The following CDRT4 variants were observed in gnomAD, a reference collection of about 807,000 sequenced individuals.
The protein encoded by CDRT4 is CMT1A duplicated region transcript 4.
For missense variants in CDRT4, 167 were observed against 193.1 expected (o/e 0.87, Z 0.80); for synonymous variants, 64 against 69.6 (o/e 0.92, Z 0.40).
In CDRT4 at chr17:15,450,298, G is replaced by A. The variant is rs112156863; in HGVS notation, c.-48+2706C>T. 6.6e-5 allele frequency among the ~76,000 whole-genome samples: 10 copies of A among 151,856 alleles called. No homozygotes were observed. Among genetic ancestry groups the A allele is most frequent in the African/African-American group, 1.2e-4 (5 of 41,386 alleles). ...ACTCCCTCATCTCCCACCATCACTC[G>A]TACCAACTCTCCACCATAAGCTCCC... On this transcript the variant is annotated intron_variant, in intron 2 of 3. Transcript: ENST00000619038. This position sits in a 1 kb window ranked among gnomAD's most constrained non-coding sequence, Gnocchi z 4.2.
chr17:15,460,834 T>C (rs781782237), intron 1 of CDRT4, among the ~76,000 whole-genome samples: 11 of 152,050 alleles, frequency 7.2e-5, no homozygotes, highest in Non-Finnish European at 1.3e-4. Flanking sequence ...GCTGCCTCTG[T>C]CCACCTCTTA....
In CDRT4 at chr17:15,464,240, T is replaced by C. The variant is rs1006683919; in HGVS notation, c.-130+3220A>G. Among the ~76,000 whole-genome samples, 2 of 152,098 alleles carry C rather than the reference T, an allele frequency of 1.3e-5. No homozygotes were observed. Among genetic ancestry groups the C allele is most frequent in the Admixed American group, 1.3e-4 (2 of 15,276 alleles). ...GGATGGAGATGCCAATGGGTAGATG[T>C]GGAGACCCCTACGCCAGGCAAGCCT... is the stretch of plus-strand genomic sequence containing the variant. On this transcript the variant is annotated intron_variant, in intron 1 of 3. Coordinates refer to ENST00000619038, the MANE Select transcript of CDRT4 (RefSeq NM_001204477.2). This position sits in a 1 kb window ranked among gnomAD's most constrained non-coding sequence, Gnocchi z 4.5.
intron 1 of CDRT4, among the ~76,000 whole-genome samples, chr17:15,460,904 T>C (rs1010446678): frequency 2.3e-5 from 3 of 128,396 alleles, no homozygotes; most frequent in African/African-American, 8.8e-5. Flanking sequence ...CCAACCACCC[T>C]CCAGCCACAG....
intron 2 of CDRT4, among the ~76,000 whole-genome samples, chr17:15,442,014 T>C (rs1340110173): frequency 6.6e-6 from 1 of 152,046 alleles, no homozygotes; most frequent in Non-Finnish European, 1.5e-5. Flanking sequence ...CCATTCCAAG[T>C]CCCCCATAAC....
chr17:15,457,753 G>C (rs904740887), intron 1 of CDRT4, among the ~76,000 whole-genome samples: 1 of 152,200 alleles, frequency 6.6e-6, no homozygotes, highest in African/African-American at 2.4e-5. Flanking sequence ...TGCTTTTGGG[G>C]CCACAGACAG....
intron 2 of CDRT4, among the ~76,000 whole-genome samples, chr17:15,445,109 C>A (rs1014019952): frequency 1.3e-5 from 2 of 152,194 alleles, no homozygotes; most frequent in African/African-American, 4.8e-5. Flanking sequence ...CCCACTCAGA[C>A]TTTTTGCCCT....
In CDRT4 at chr17:15,450,021, T is replaced by C. The variant is rs1301709759; in HGVS notation, c.-48+2983A>G. Among the ~76,000 whole-genome samples the C allele has an allele frequency of 4.6e-5, 7 of 152,236 alleles. No individual in the cohort carries two copies. Among genetic ancestry groups the C allele is most frequent in the Admixed American group, 6.5e-5 (1 of 15,288 alleles). On this transcript the variant is annotated intron_variant, in intron 2 of 3. Coordinates refer to ENST00000619038, the MANE Select transcript of CDRT4 (RefSeq NM_001204477.2). This position sits in a 1 kb window ranked among gnomAD's most constrained non-coding sequence, Gnocchi z 4.2. ...TATGAATAGTGCTGGGATAAACATA[T>C]GAGTGCAGGTGTCTTTTTGATAAAA...
chr17:15,441,659 T>C (rs998287744), intron 2 of CDRT4, among the ~76,000 whole-genome samples: 2 of 152,200 alleles, frequency 1.3e-5, no homozygotes, highest in African/African-American at 2.4e-5. Context: ...ACTATTTTTA[T>C]AGAGTAAATT....
In CDRT4 at chr17:15,437,736, C is replaced by A. The variant is rs772852837; in HGVS notation, c.*37G>T. 6.9e-6 allele frequency: 11 copies of A among 1,597,082 alleles called. No individual in the cohort carries two copies. In the Admixed American group the frequency reaches 8.4e-5, roughly 12 times the overall value. On this transcript the variant is annotated 3_prime_UTR_variant, in exon 4 of 4. Transcript: ENST00000619038. ...CGTTCTTGGGGAATGGCTGCAGGGA[C>A]CCCTGGCTAAAACATTTGCATGTTT...
rs1440043779 is a variant in CDRT4, at chr17:15,464,780, A to G, written c.-130+2680T>C. ...TTTTCTCTGCCAAAATCCCCCAGCGAATGGCCCATACCAGCGGTTGCTCTT... is the reference window on the plus strand; with the variant it reads ...TTTTCTCTGCCAAAATCCCCCAGCGGATGGCCCATACCAGCGGTTGCTCTT... On this transcript the variant is annotated intron_variant, in intron 1 of 3. Transcript: ENST00000619038. The surrounding 1 kb of genome is among the most constrained non-coding windows in gnomAD (Gnocchi z 4.5). 1.3e-5 allele frequency among the ~76,000 whole-genome samples: 2 copies of G among 152,164 alleles called. No individual in the cohort carries two copies. The highest frequency in any genetic ancestry group is 2.4e-5 in the African/African-American group (1 of 41,442).
chr17:15,436,429 AG>A lies in CDRT4; in HGVS notation c.*1343del, dbSNP rs2150782246. Reference sequence around the variant, plus strand: ...TCAGGTAAGGTCAGCCTTACTCAGTAGATAAACCCCAAACATGAAACCAGCT... The same window carrying A: ...TCAGGTAAGGTCAGCCTTACTCAGTAATAAACCCCAAACATGAAACCAGCT... On this transcript the variant is annotated 3_prime_UTR_variant, in exon 4 of 4. Transcript: ENST00000619038. 6.6e-6 allele frequency: 1 copy of A among 152,380 alleles called. No individual in the cohort carries two copies. The highest frequency in any genetic ancestry group is 1.9e-4 in the East Asian group (1 of 5,192). The allele number at this position is 152,380 out of a possible 1,614,324, so 9.4% of individuals were successfully genotyped here.
chr17:15,460,642 C>G (rs1240338096), intron 1 of CDRT4, among the ~76,000 whole-genome samples: 3 of 152,122 alleles, frequency 2.0e-5, no homozygotes, highest in Non-Finnish European at 2.9e-5. Context: ...CTGGTTGCCC[C>G]CACAGCCTCC....
chr17:15,441,542 C>T (rs1978759242), intron 2 of CDRT4, among the ~76,000 whole-genome samples: 1 of 152,160 alleles, frequency 6.6e-6, no homozygotes, highest in Admixed American at 6.5e-5. Flanking sequence ...TGGAACACTC[C>T]TCCGAGATAA....
rs1979880898 is a variant in CDRT4, at chr17:15,464,050, A to G, written c.-130+3410T>C. On this transcript the variant is annotated intron_variant, in intron 1 of 3. Coordinates refer to ENST00000619038, the MANE Select transcript of CDRT4 (RefSeq NM_001204477.2). The surrounding 1 kb of genome is among the most constrained non-coding windows in gnomAD (Gnocchi z 4.5). Reference sequence around the variant, plus strand: ...GGGGACCAGGAACCCAATGCCCTCTAGGAGTATGGCATGGAGGGGCAGACC... The same window carrying G: ...GGGGACCAGGAACCCAATGCCCTCTGGGAGTATGGCATGGAGGGGCAGACC... 2.0e-5 allele frequency among the ~76,000 whole-genome samples: 3 copies of G among 152,214 alleles called. No homozygotes were observed. Among genetic ancestry groups the G allele is most frequent in the African/African-American group, 7.2e-5 (3 of 41,462 alleles).
intron 1 of CDRT4, among the ~76,000 whole-genome samples, chr17:15,465,429 C>T (rs1236214834): frequency 6.7e-6 from 1 of 149,676 alleles, no homozygotes; most frequent in African/African-American, 2.5e-5. Flanking sequence ...CACAGACATA[C>T]ACCAGTACCA....
intron 1 of CDRT4, among the ~76,000 whole-genome samples, chr17:15,465,249 AC>A (rs1442620232): frequency 1.5e-5 from 2 of 131,340 alleles, no homozygotes; most frequent in Non-Finnish European, 3.1e-5. Context: ...ACAGACACAC[AC>A]CAACACACAC....
chr17:15,451,368 G>A (rs2150792234), intron 2 of CDRT4, among the ~76,000 whole-genome samples: 1 of 152,218 alleles, frequency 6.6e-6, no homozygotes, highest in South Asian at 2.1e-4. Context: ...CTTCATAGCA[G>A]TATGAAAATG....
chr17:15,453,835 T>G (rs1444472295), intron 1 of CDRT4, among the ~76,000 whole-genome samples: 4 of 152,164 alleles, frequency 2.6e-5, no homozygotes, highest in Non-Finnish European at 5.9e-5. Flanking sequence ...TTCAGAAGCC[T>G]CCGTGTTCTT....
intron 1 of CDRT4, among the ~76,000 whole-genome samples, chr17:15,454,178 C>T (rs1289851487): frequency 2.6e-5 from 4 of 152,136 alleles, no homozygotes; most frequent in African/African-American, 9.7e-5. Flanking sequence ...TGCCACAGTG[C>T]TGTCCCTACA....
Sources: gnomAD v4.1 joint callset for allele counts (sites outside exome capture counted in the v4.1 genomes callset) on GRCh38, gnomAD v4.1.1 for gene constraint, Gnocchi (gnomAD v3.1) non-coding constraint, MANE v1.5 for transcripts, NCBI Gene and HGNC (gene_info 2026-07-23, HGNC 2026-07-21) for gene names.